The following ARMH4 variants were observed in gnomAD, a reference collection of about 807,000 sequenced individuals.
The protein encoded by ARMH4 is armadillo like helical domain containing 4.
In ARMH4, 49 loss-of-function variants were observed where a neutral mutation model predicts 61.9. The ratio of observed to expected loss-of-function variants is 0.79; its 90% confidence interval spans 0.63 to 1.00. ARMH4 has a LOEUF of 1.00. ARMH4 is among the 50% of genes least tolerant of loss of function. The probability of loss-of-function intolerance (pLI) is 0.00; values close to 1 mark genes in which losing one functional copy is unlikely to be tolerated. For missense variants in ARMH4, 934 were observed against 930.0 expected (o/e 1.00, Z -0.06); for synonymous variants, 368 against 341.5 (o/e 1.08, Z -0.85).
chr14:58,018,168 T>G, intron 5 of ARMH4, among the ~76,000 whole-genome samples: 1 of 152,150 alleles, frequency 6.6e-6, no homozygotes, highest in Admixed American at 6.5e-5. Flanking sequence ...ATTATAAATC[T>G]ACTAGAAGAT....
intron 1 of ARMH4, among the ~76,000 whole-genome samples, chr14:58,150,210 A>G (rs1243726830): frequency 6.6e-6 from 1 of 152,240 alleles, no homozygotes. Flanking sequence ...AGCTGAAACT[A>G]GCTTCAGATA....
chr14:58,110,772 AGTG>A (rs1886329607), intron 4 of ARMH4, among the ~76,000 whole-genome samples: 1 of 151,986 alleles, frequency 6.6e-6, no homozygotes, highest in Non-Finnish European at 1.5e-5. Context: ...CCCAGGCTGG[AGTG>A]CAATGGTGCC....
chr14:58,082,471 G>A (rs535957608), intron 5 of ARMH4, among the ~76,000 whole-genome samples: 2 of 152,310 alleles, frequency 1.3e-5, no homozygotes, highest in South Asian at 4.1e-4. Context: ...TAAGGAAATT[G>A]AAGCTCAGAG....
At chr14:58,103,028 G>T (rs1886052901) in intron 4 of ARMH4, among the ~76,000 whole-genome samples, 1 of 151,880 alleles carries the variant, frequency 6.6e-6, no homozygotes, top group African/African-American at 2.4e-5. Flanking sequence ...AGCTACACGG[G>T]AGGCTGACGC....
intron 5 of ARMH4, among the ~76,000 whole-genome samples, chr14:58,053,387 T>C (rs533723040): frequency 6.6e-6 from 1 of 152,306 alleles, no homozygotes; most frequent in East Asian, 1.9e-4. Context: ...CAGGGTTTGG[T>C]CCCTGTTGGT....
In ARMH4 at chr14:58,115,260, A is replaced by T. The variant is rs577772434; in HGVS notation, c.1831+16252T>A. ...CAATTCAACAAGCAAAAAACAAACA[A>T]CTCCATTAAAAATGGGCAAAGAACA... On this transcript the variant is annotated intron_variant, in intron 4 of 7. Coordinates refer to ENST00000267485, the MANE Select transcript of ARMH4 (RefSeq NM_001001872.4). Among the ~76,000 whole-genome samples, 3 of 152,218 alleles carry T rather than the reference A, an allele frequency of 2.0e-5. No homozygotes were observed. In the South Asian group the frequency reaches 6.2e-4, roughly 32 times the overall value.
At chr14:58,033,279 C>T (rs1441406465) in intron 5 of ARMH4, among the ~76,000 whole-genome samples, 1 of 115,640 alleles carries the variant, frequency 8.6e-6, no homozygotes, top group Non-Finnish European at 1.9e-5. Flanking sequence ...GAGGCACCCC[C>T]CCAGCAGGGG....
chr14:58,117,280 A>G (rs530987475), intron 4 of ARMH4, among the ~76,000 whole-genome samples: 72 of 152,242 alleles, frequency 4.7e-4, no homozygotes, highest in Non-Finnish European at 8.2e-4. Context: ...ATCTGGAATA[A>G]TATCTTTTTC....
At chr14:58,009,215 G>A (rs764428954) in intron 6 of ARMH4, among the ~76,000 whole-genome samples, 1 of 152,138 alleles carries the variant, frequency 6.6e-6, no homozygotes, top group Non-Finnish European at 1.5e-5. Context: ...ATATGTCAGT[G>A]GCATAAGAAA....
At chr14:58,104,700 G>A (rs1321644518) in intron 4 of ARMH4, among the ~76,000 whole-genome samples, 1 of 152,178 alleles carries the variant, frequency 6.6e-6, no homozygotes, top group Non-Finnish European at 1.5e-5. Context: ...AATAATGTAT[G>A]TTATAGCAAC....
In ARMH4 at chr14:58,152,157, G is replaced by GGCGGCGGCGGCGGTA. The variant is rs1188704295; in HGVS notation, c.-154_-140dup. On this transcript the variant is annotated 5_prime_UTR_variant, in exon 1 of 8. Coordinates refer to ENST00000267485, the MANE Select transcript of ARMH4 (RefSeq NM_001001872.4). ...TCGGCATCCCAGCGGCGGGCCCTGC[G>GGCGGCGGCGGCGGTA]GCGGCGGCGGCGGTAGCGGCGGCGA... 2.5e-5 allele frequency: 4 copies of GGCGGCGGCGGCGGTA among 159,160 alleles called. No homozygotes were observed. Among genetic ancestry groups the GGCGGCGGCGGCGGTA allele is most frequent in the Admixed American group, 6.5e-5 (1 of 15,268 alleles). The allele number at this position is 159,160 out of a possible 1,614,324, so 9.9% of individuals were successfully genotyped here.
intron 4 of ARMH4, among the ~76,000 whole-genome samples, chr14:58,106,802 GA>G (rs398025220): frequency 5.0e-4 from 73 of 146,390 alleles, no homozygotes; most frequent in African/African-American, 1.5e-3. Context: ...CTTGGTAGGT[GA>G]AAAAAAAAAA....
At chr14:58,144,547 AAAAC>A (rs576601565) in intron 1 of ARMH4, among the ~76,000 whole-genome samples, 356 of 152,230 alleles carry the variant, frequency 2.3e-3, no homozygotes, top group African/African-American at 8.2e-3. Context: ...CCCTGTCTCA[AAAAC>A]AAACAGACAA....
chr14:58,045,637 T>C (rs1322889967), intron 5 of ARMH4, among the ~76,000 whole-genome samples: 3 of 151,616 alleles, frequency 2.0e-5, no homozygotes, highest in African/African-American at 4.8e-5. Flanking sequence ...AACACGGTCT[T>C]GTGAGTTGAA....
intron 5 of ARMH4, among the ~76,000 whole-genome samples, chr14:58,065,983 T>A (rs567151156): frequency 4.6e-5 from 7 of 152,360 alleles, no homozygotes; most frequent in African/African-American, 1.7e-4. Context: ...AGGCAGATCC[T>A]CTTCAGTGAA....
chr14:58,077,290 G>A (rs191543385), intron 5 of ARMH4, among the ~76,000 whole-genome samples: 40 of 152,278 alleles, frequency 2.6e-4, no homozygotes, highest in Non-Finnish European at 2.4e-4. Flanking sequence ...CATGTATCAG[G>A]CAGAGTGAAA....
At chr14:58,005,952 A>G (rs1342173161) in intron 6 of ARMH4, among the ~76,000 whole-genome samples, 1 of 152,210 alleles carries the variant, frequency 6.6e-6, no homozygotes, top group Non-Finnish European at 1.5e-5. Context: ...GTGGCAGAGA[A>G]GTACACAAAG....
chr14:58,096,182 G>C (rs1025456979), intron 5 of ARMH4, among the ~76,000 whole-genome samples: 5 of 152,186 alleles, frequency 3.3e-5, no homozygotes, highest in African/African-American at 1.2e-4. Flanking sequence ...AGGTAATGCA[G>C]CCACAAGTCT....
At chr14:58,074,117 T>A (rs1341884111) in intron 5 of ARMH4, among the ~76,000 whole-genome samples, 1 of 152,184 alleles carries the variant, frequency 6.6e-6, no homozygotes, top group African/African-American at 2.4e-5. Context: ...AACCTGAAAT[T>A]CACCTTGATT....
Sources: gnomAD v4.1 joint callset for allele counts (sites outside exome capture counted in the v4.1 genomes callset) on GRCh38, gnomAD v4.1.1 for gene constraint, MANE v1.5 for transcripts, NCBI Gene and HGNC (gene_info 2026-07-23, HGNC 2026-07-21) for gene names.